VAV2: variants seen among roughly 807,000 people sequenced by gnomAD.
VAV2 encodes the protein guanine nucleotide exchange factor VAV2.
VAV2 carries 67 observed loss-of-function variants against 132.5 expected under a neutral mutation model. The ratio of observed to expected loss-of-function variants is 0.51; its 90% confidence interval spans 0.42 to 0.62. The LOEUF (loss-of-function observed/expected upper bound fraction) is 0.62, where lower values mean the gene tolerates loss of function less well. VAV2 is among the 20% of genes least tolerant of loss of function. The probability of loss-of-function intolerance (pLI) is 0.00; values close to 1 mark genes in which losing one functional copy is unlikely to be tolerated. For synonymous variants in VAV2, 492 were observed against 443.5 expected (o/e 1.11, Z -1.37); for missense variants, 938 against 1,153.6 (o/e 0.81, Z 2.71).
intron 4 of VAV2, among the ~76,000 whole-genome samples, chr9:133,815,918 A>G (rs1239819443): frequency 6.6e-6 from 1 of 152,118 alleles, no homozygotes; most frequent in Non-Finnish European, 1.5e-5. Flanking sequence ...CAGCTGACAA[A>G]TGCTTTTCTA....
chr9:133,921,790 T>C (rs1290330064), intron 2 of VAV2, among the ~76,000 whole-genome samples: 1 of 152,186 alleles, frequency 6.6e-6, no homozygotes, highest in Non-Finnish European at 1.5e-5. Flanking sequence ...TAAGCAAGTA[T>C]AAGAAATCAA....
chr9:133,945,709 GC>G (rs1368106017), intron 1 of VAV2, among the ~76,000 whole-genome samples: 1 of 152,174 alleles, frequency 6.6e-6, no homozygotes, highest in Admixed American at 6.5e-5. Context: ...AGATCGCCTG[GC>G]CCAACCTTCC....
chr9:133,807,283 A>G lies in VAV2; in HGVS notation c.710T>C (p.Met237Thr). Reference sequence around the variant, plus strand: ...CTCCAGGTTAATGAAGACAGCTGCCATGTCCGCCGGGCTCAGCACCAGCCG... The same window carrying G: ...CTCCAGGTTAATGAAGACAGCTGCCGTGTCCGCCGGGCTCAGCACCAGCCG... ...PLRLVLSPADMAAVFINLEDL... is the reference protein window; with the variant it reads ...PLRLVLSPADTAAVFINLEDL... Residue 237 changes from methionine to threonine, a missense_variant, in exon 8 of 30, where the codon ATG (methionine) becomes ACG (threonine). By Grantham distance (81) the Met-to-Thr change is moderately conservative. Coordinates refer to ENST00000371850, the MANE Select transcript of VAV2 (RefSeq NM_001134398.2). The G allele has an allele frequency of 6.2e-7, 1 of 1,611,286 alleles. No homozygotes were observed. The highest frequency in any genetic ancestry group is 8.5e-7 in the Non-Finnish European group (1 of 1,179,382).
rs1206049586 is a variant in VAV2, at chr9:133,991,131, C to T, written c.204+944G>A. On this transcript the variant is annotated intron_variant, in intron 1 of 29. Coordinates refer to ENST00000371850, the MANE Select transcript of VAV2 (RefSeq NM_001134398.2). This position sits in a 1 kb window ranked among gnomAD's most constrained non-coding sequence, Gnocchi z 4.8. The stretch of plus-strand genomic sequence containing the variant: ...CTGCGCGCGGTGAGGGGCTGCTGAG[C>T]TGGCTGGAAGACCGCACCTCCTCGG... Among the ~76,000 whole-genome samples the T allele has an allele frequency of 6.6e-6, 1 of 152,154 alleles. No homozygotes were observed. The highest frequency in any genetic ancestry group is 1.5e-5 in the Non-Finnish European group (1 of 68,020).
chr9:133,785,188 C>T (rs1053514217), intron 17 of VAV2, among the ~76,000 whole-genome samples: 2 of 152,132 alleles, frequency 1.3e-5, no homozygotes, highest in African/African-American at 4.8e-5. Flanking sequence ...CCAGAAGAAA[C>T]GGTCAGAGAG....
intron 29 of VAV2, among the ~76,000 whole-genome samples, chr9:133,767,877 C>T (rs1833488044): frequency 6.6e-6 from 1 of 152,144 alleles, no homozygotes; most frequent in South Asian, 2.1e-4. Flanking sequence ...GCTAGAGGTC[C>T]AGATGGGGTG....
At chr9:133,917,439 T>TTC (rs1286091796) in intron 2 of VAV2, among the ~76,000 whole-genome samples, 1 of 45,352 alleles carries the variant, frequency 2.2e-5, no homozygotes, top group East Asian at 8.3e-4. Flanking sequence ...AGAAAACTCT[T>TTC]TCTTTTTTTT....
chr9:133,976,039 A>G (rs922984408), intron 1 of VAV2, among the ~76,000 whole-genome samples: 2 of 119,778 alleles, frequency 1.7e-5, no homozygotes, highest in Admixed American at 1.8e-4. Context: ...CTACTAAAAA[A>G]AAAAAGAAAA....
intron 2 of VAV2, among the ~76,000 whole-genome samples, chr9:133,891,356 G>A (rs1197794395): frequency 6.1e-5 from 1 of 16,376 alleles, no homozygotes; most frequent in Non-Finnish European, 1.2e-4. Flanking sequence ...GATGAAGGGG[G>A]AGGGATAAAG....
chr9:133,964,030 T>TATATATATATATACATATATATAC (rs1842052174), intron 1 of VAV2, among the ~76,000 whole-genome samples: 4 of 80,972 alleles, frequency 4.9e-5, no homozygotes, highest in Non-Finnish European at 1.0e-4. Flanking sequence ...TTCATATATA[T>TATATATATATATACATATATATAC]ATATATATAT....
At position 133,769,606 on chromosome 9, in the gene VAV2, T is replaced by C. The variant is rs1833549660; in HGVS notation, c.2348-103A>G. 6 of 1,253,462 alleles carry C rather than the reference T, an allele frequency of 4.8e-6. No individual in the cohort carries two copies. The highest frequency in any genetic ancestry group is 3.0e-5 in the African/African-American group (2 of 66,066). 77.6% of individuals were successfully genotyped at this position (1,253,462 alleles called of 1,614,324 possible). On this transcript the variant is annotated intron_variant, in intron 27 of 29. Transcript: ENST00000371850. The surrounding 1 kb of genome is among the most constrained non-coding windows in gnomAD (Gnocchi z 8.1). ...GGGGGGCATGGGGTGGGGCAGGCCC[T>C]TTGGCAGGAGAGGCCCTACAGGGGG...
At chr9:133,900,923 C>T (rs1251392297) in intron 2 of VAV2, among the ~76,000 whole-genome samples, 1 of 151,964 alleles carries the variant, frequency 6.6e-6, no homozygotes, top group Non-Finnish European at 1.5e-5. Flanking sequence ...CTCAGCTCCC[C>T]CGAGAAGCTG....
Position 133,824,228 on chromosome 9 carries a change from C to T in VAV2, c.449+10044G>A, listed in dbSNP as rs1187513587. On this transcript the variant is annotated intron_variant, in intron 4 of 29. Coordinates refer to ENST00000371850, the MANE Select transcript of VAV2 (RefSeq NM_001134398.2). The surrounding 1 kb of genome is among the most constrained non-coding windows in gnomAD (Gnocchi z 5.2). Reference sequence around the variant, plus strand: ...AGGGAAGGTGCGGACAGGGAGCTCCCGCCCAGCAGTCCCACAGCCACCTCC... The same window carrying T: ...AGGGAAGGTGCGGACAGGGAGCTCCTGCCCAGCAGTCCCACAGCCACCTCC... Among the ~76,000 whole-genome samples, 2 of 152,156 alleles carry T rather than the reference C, an allele frequency of 1.3e-5. No homozygotes were observed. Among genetic ancestry groups the T allele is most frequent in the African/African-American group, 4.8e-5 (2 of 41,424 alleles).
chr9:133,861,535 G>A (rs1837596469), intron 2 of VAV2, 103 bp from the exon 3 acceptor site: 3 of 1,275,566 alleles, frequency 2.4e-6, no homozygotes, highest in Non-Finnish European at 1.1e-6. Flanking sequence ...ACTGTTAACT[G>A]AGCACATCGC....
intron 2 of VAV2, among the ~76,000 whole-genome samples, chr9:133,938,177 G>A (rs925448296): frequency 6.6e-6 from 1 of 152,100 alleles, no homozygotes; most frequent in African/African-American, 2.4e-5. Flanking sequence ...TAAATATCTT[G>A]TTACTTCCCA....
intron 4 of VAV2, among the ~76,000 whole-genome samples, chr9:133,827,461 C>T (rs371701505): frequency 0.4 from 1,055 of 2,662 alleles, 358 homozygotes; most frequent in Non-Finnish European, 0.56. Flanking sequence ...CACCACCTAC[C>T]GCTGCGCCCA....
At chr9:133,956,099 C>T (rs1014833523) in intron 1 of VAV2, among the ~76,000 whole-genome samples, 1 of 152,064 alleles carries the variant, frequency 6.6e-6, no homozygotes, top group Admixed American at 6.5e-5. Context: ...GTCGCTGACC[C>T]TCCTGGAGCC....
rs374097975 is a variant in VAV2, at chr9:133,812,225, G to T, written c.450-9C>A. On this transcript the variant is annotated splice_polypyrimidine_tract_variant and intron_variant, in intron 4 of 29. Transcript: ENST00000371850. ...CCCCCAGGTCATGCTCGCTGCACAG[G>T]AGGAGGCGGGTTAGAGGGGAGGGGA... 6.2e-7 allele frequency: 1 copy of T among 1,613,338 alleles called. No homozygotes were observed.
At chr9:133,820,920 G>A (rs1175249988) in intron 4 of VAV2, among the ~76,000 whole-genome samples, 9 of 150,456 alleles carry the variant, frequency 6.0e-5, no homozygotes, top group South Asian at 2.1e-4. Flanking sequence ...AGAACTCAGC[G>A]AAGACGCGGC....
Sources: allele counts gnomAD v4.1 joint callset (sites outside exome capture counted in the v4.1 genomes callset), GRCh38; gene constraint gnomAD v4.1.1; non-coding constraint Gnocchi (gnomAD v3.1); transcripts MANE v1.5; gene names NCBI Gene and HGNC (gene_info 2026-07-23, HGNC 2026-07-21).